Variants in IL1RAPL1 observed in about 807,000 individuals in gnomAD.
The protein encoded by IL1RAPL1 is interleukin 1 receptor accessory protein like 1.
In IL1RAPL1, 3 loss-of-function variants were observed where a neutral mutation model predicts 48.4. That is an observed-to-expected ratio of 0.06 (90% confidence interval 0.03 to 0.16). The LOEUF (loss-of-function observed/expected upper bound fraction) is 0.16. IL1RAPL1 is among the 10% of genes least tolerant of loss of function. The pLI is 1.00. For synonymous variants in IL1RAPL1, 185 were observed against 187.7 expected (o/e 0.99, Z 0.12); for missense variants, 349 against 530.6 (o/e 0.66, Z 3.36).
chrX:29,070,450 G>T (rs1160124599), intron 2 of IL1RAPL1, among the ~76,000 whole-genome samples: 1 of 111,703 alleles, frequency 9.0e-6, no homozygotes, highest in Non-Finnish European at 1.9e-5. Flanking sequence ...TGGAACAGAG[G>T]CTCTGAAACT....
chrX:28,727,541 A>C (rs1268003127), intron 1 of IL1RAPL1, among the ~76,000 whole-genome samples: 5 of 105,796 alleles, frequency 4.7e-5, no homozygotes, highest in African/African-American at 1.4e-4. Context: ...TCTCCTGCCT[A>C]ATTGCCCTGG....
intron 5 of IL1RAPL1, among the ~76,000 whole-genome samples, chrX:29,667,940 T>C (rs1339307154): frequency 9.0e-6 from 1 of 111,716 alleles, no homozygotes; most frequent in African/African-American, 3.3e-5. Flanking sequence ...AAATACTTAA[T>C]GTAATAACTA....
chrX:29,611,202 G>C (rs1031466322), intron 5 of IL1RAPL1, among the ~76,000 whole-genome samples: 18 of 110,775 alleles, frequency 1.6e-4, no homozygotes, highest in Admixed American at 1.3e-3. Context: ...TAAGAGCCAG[G>C]TACCCTTTTA....
In IL1RAPL1 at chrX:28,969,968, C is replaced by T. The variant is rs772221738; in HGVS notation, c.82+180543C>T. Among the ~76,000 whole-genome samples, 3 of 110,483 alleles carry T rather than the reference C, an allele frequency of 2.7e-5. No homozygotes were observed. In the Admixed American group the frequency reaches 2.9e-4, roughly 11 times the overall value. ...AAACACATATATATGTTTCTAAACA[C>T]ATATATATGTTTCTAAACACATATA... On this transcript the variant is annotated intron_variant, in intron 2 of 10. Coordinates refer to ENST00000378993, the MANE Select transcript of IL1RAPL1 (RefSeq NM_014271.4).
At chrX:28,725,808 G>T (rs1935667360) in intron 1 of IL1RAPL1, among the ~76,000 whole-genome samples, 1 of 112,181 alleles carries the variant, frequency 8.9e-6, no homozygotes, top group South Asian at 3.6e-4. Context: ...CCTGATGGTG[G>T]CATAGGCCTC....
intron 5 of IL1RAPL1, among the ~76,000 whole-genome samples, chrX:29,502,321 G>T (rs1286188011): frequency 9.0e-6 from 1 of 110,546 alleles, no homozygotes. Flanking sequence ...TCTTTCTCTT[G>T]CCTAGTTGCT....
At chrX:29,515,834 G>A (rs891448484) in intron 5 of IL1RAPL1, among the ~76,000 whole-genome samples, 1 of 111,071 alleles carries the variant, frequency 9.0e-6, no homozygotes, top group Non-Finnish European at 1.9e-5. Context: ...CTACAGGCAT[G>A]TACCACCACG....
chrX:29,234,491 A>G (rs1931256099), intron 2 of IL1RAPL1, among the ~76,000 whole-genome samples: 2 of 111,922 alleles, frequency 1.8e-5, no homozygotes, highest in South Asian at 7.5e-4. Context: ...AGGGTTATAG[A>G]TAGAGTTTTG....
intron 1 of IL1RAPL1, among the ~76,000 whole-genome samples, chrX:28,653,626 A>G (rs1934713920): frequency 8.9e-6 from 1 of 112,073 alleles, no homozygotes; most frequent in East Asian, 2.8e-4. Context: ...CTAGAGGTAC[A>G]TAGACTCTCT....
Position 28,882,829 on chromosome X carries a change from AATAT to A in IL1RAPL1, c.82+93408_82+93411del, listed in dbSNP as rs1173604728. 1.4e-3 allele frequency among the ~76,000 whole-genome samples: 152 copies of A among 112,275 alleles called. 2 individuals carry two copies. Among genetic ancestry groups the A allele is most frequent in the Middle Eastern group, 4.6e-3 (1 of 217 alleles). ...AATATTAAAATTTTTGATAAAAGTG[AATAT>A]ATAGACGAATATAGAATCCTGCAGT... On this transcript the variant is annotated intron_variant, in intron 2 of 10. Coordinates refer to ENST00000378993, the MANE Select transcript of IL1RAPL1 (RefSeq NM_014271.4).
intron 2 of IL1RAPL1, among the ~76,000 whole-genome samples, chrX:28,847,007 T>C (rs943953749): frequency 9.0e-6 from 1 of 111,520 alleles, no homozygotes; most frequent in Admixed American, 9.5e-5. Context: ...TCCAGACACA[T>C]GTATCAATCT....
At chrX:29,296,867 G>T (rs2147608585) in intron 3 of IL1RAPL1, among the ~76,000 whole-genome samples, 1 of 112,091 alleles carries the variant, frequency 8.9e-6, no homozygotes, top group South Asian at 3.7e-4. Context: ...GTGAAGAATA[G>T]GTATGGCTTT....
intron 2 of IL1RAPL1, among the ~76,000 whole-genome samples, chrX:29,019,915 T>C (rs1163733189): frequency 8.9e-6 from 1 of 112,216 alleles, no homozygotes; most frequent in Non-Finnish European, 1.9e-5. Flanking sequence ...ATAGGGAATT[T>C]TTGTCAAATC....
chrX:28,661,793 C>T (rs1934825629), intron 1 of IL1RAPL1, among the ~76,000 whole-genome samples: 5 of 111,820 alleles, frequency 4.5e-5, no homozygotes, highest in Admixed American at 3.8e-4. Flanking sequence ...CTCTATATTC[C>T]ATAATGTTCT....
intron 1 of IL1RAPL1, among the ~76,000 whole-genome samples, chrX:28,707,008 A>C (rs775279150): frequency 2.7e-5 from 3 of 112,287 alleles, no homozygotes; most frequent in Non-Finnish European, 5.6e-5. Context: ...GTTAGCCTCA[A>C]TGTATACATT....
At chrX:29,745,974 G>C (rs1928328154) in intron 6 of IL1RAPL1, among the ~76,000 whole-genome samples, 1 of 111,497 alleles carries the variant, frequency 9.0e-6, no homozygotes, top group Non-Finnish European at 1.9e-5. Flanking sequence ...TGCATACACA[G>C]TCATTGCTAA....
intron 2 of IL1RAPL1, among the ~76,000 whole-genome samples, chrX:29,010,147 G>A (rs7055811): frequency 0.12 from 12,896 of 111,401 alleles, 1,048 homozygotes; most frequent in African/African-American, 0.27. Flanking sequence ...AGTTTCAGGG[G>A]CCTTTTGGCA....
intron 7 of IL1RAPL1, among the ~76,000 whole-genome samples, chrX:29,918,144 A>AATATATATATATATATATAT (rs748970921): frequency 4.2e-5 from 1 of 23,761 alleles, no homozygotes; most frequent in Non-Finnish European, 6.6e-5. Flanking sequence ...AAAAAAAAAA[A>AATATATATATATATATATAT]ATATATATAT....
intron 6 of IL1RAPL1, among the ~76,000 whole-genome samples, chrX:29,699,640 G>A (rs1195045836): frequency 8.9e-6 from 1 of 112,130 alleles, no homozygotes; most frequent in Non-Finnish European, 1.9e-5. Flanking sequence ...TCACATCATG[G>A]CAAATTAGGT....
Sources: gnomAD v4.1 joint callset for allele counts (sites outside exome capture counted in the v4.1 genomes callset) on GRCh38, gnomAD v4.1.1 for gene constraint, MANE v1.5 for transcripts, NCBI Gene and HGNC (gene_info 2026-07-23, HGNC 2026-07-21) for gene names.